MYH16: variants seen among roughly 807,000 people sequenced by gnomAD.
The protein encoded by MYH16 is myosin heavy chain 16.
chr7:99,308,260 ACT>A (rs1491245060), downstream of MYH16, among the ~76,000 whole-genome samples: 1 of 131,292 alleles, frequency 7.6e-6, no homozygotes, highest in East Asian at 2.5e-4. Context: ...ACGCCACTGC[ACT>A]CCAGCCTGGG....
intron 11 of MYH16, among the ~76,000 whole-genome samples, chr7:99,259,399 T>A (rs1431768077): frequency 1.3e-5 from 2 of 152,160 alleles, no homozygotes; most frequent in Non-Finnish European, 2.9e-5. Context: ...GGATCACTTG[T>A]GCCCAGGAGT....
At chr7:99,290,414 G>C (rs1270902549) in intron 30 of MYH16, among the ~76,000 whole-genome samples, 1 of 149,096 alleles carries the variant, frequency 6.7e-6, no homozygotes, top group Non-Finnish European at 1.5e-5. Flanking sequence ...TTGAGCCCAG[G>C]AGTTCAAGGC....
Position 99,305,831 on chromosome 7 carries a change from C to T in MYH16, n.5435-5C>T, listed in dbSNP as rs1792670268. The T allele has an allele frequency of 6.5e-6, 1 of 153,162 alleles. No homozygotes were observed. Among genetic ancestry groups the T allele is most frequent in the African/African-American group, 2.4e-5 (1 of 41,452 alleles). The allele number at this position is 153,162 out of a possible 1,614,324, so 9.5% of individuals were successfully genotyped here. A position where few individuals can be genotyped will look rare whatever the true frequency, so the allele number is the denominator to read the frequency against. On this transcript the variant is annotated splice_polypyrimidine_tract_variant and splice_region_variant and intron_variant and non_coding_transcript_variant, in intron 40 of 41. Coordinates refer to ENST00000439784, the Ensembl canonical transcript of MYH16. ...CTCAGCCGCATTCCTCTCTTCCTCC[C>T]ACAGATCAAGGAACTAGAGACAGAG...
At chr7:99,292,910 T>C (rs1333179164) in intron 32 of MYH16, among the ~76,000 whole-genome samples, 8 of 150,138 alleles carry the variant, frequency 5.3e-5, no homozygotes, top group Non-Finnish European at 1.2e-4. Flanking sequence ...CAGTGAGCAA[T>C]GATCGAGCCA....
chr7:99,284,867 G>A (rs1182701765), exon 26 of MYH16: 1 of 456,702 alleles, frequency 2.2e-6, no homozygotes, highest in South Asian at 1.5e-5. Flanking sequence ...AATAAACTCT[G>A]TCAACTCGAA....
At chr7:99,255,522 G>C (rs1791860980) in intron 8 of MYH16, 1 of 152,646 alleles carries the variant, frequency 6.6e-6, no homozygotes, top group African/African-American at 2.4e-5. Context: ...AGAGGTTAGA[G>C]ATGGCAGAGA....
intron 21 of MYH16, among the ~76,000 whole-genome samples, chr7:99,278,410 G>A (rs1333389130): frequency 6.6e-6 from 1 of 152,114 alleles, no homozygotes; most frequent in East Asian, 1.9e-4. Flanking sequence ...CCCACTCCAA[G>A]CCTTGTTTTC....
exon 32 of MYH16, chr7:99,292,386 G>A (rs753033882): frequency 4.4e-6 from 2 of 457,186 alleles, no homozygotes; most frequent in Non-Finnish European, 4.4e-6. Flanking sequence ...AGCTGGAGGA[G>A]GAGCAGGGAG....
chr7:99,292,487 C>G, exon 32 of MYH16: 1 of 469,890 alleles, frequency 2.1e-6, no homozygotes, highest in Non-Finnish European at 4.3e-6. Flanking sequence ...ATCCAGAGGA[C>G]AGAGGAGCTG....
At chr7:99,300,579 G>T (rs1028639939) in intron 37 of MYH16, among the ~76,000 whole-genome samples, 3 of 152,184 alleles carry the variant, frequency 2.0e-5, no homozygotes, top group Non-Finnish European at 2.9e-5. Flanking sequence ...GAAGAGAGAG[G>T]ATTGCTTGAC....
chr7:99,279,641 T>G, exon 22 of MYH16: 1 of 456,266 alleles, frequency 2.2e-6, no homozygotes, highest in Non-Finnish European at 4.4e-6. Flanking sequence ...CCTCACTGAG[T>G]GCCGCCAAGC....
chr7:99,284,936 G>A lies in MYH16; in HGVS notation n.3316+1G>A, dbSNP rs764717654. The A allele has an allele frequency of 1.1e-4, 49 of 456,530 alleles. No individual in the cohort carries two copies. Among genetic ancestry groups the A allele is most frequent in the Middle Eastern group, 3.3e-4 (1 of 3,064 alleles). 28.3% of individuals were successfully genotyped at this position (456,530 alleles called of 1,614,324 possible). A position where few individuals can be genotyped will look rare whatever the true frequency, so the allele number is the denominator to read the frequency against. On this transcript the variant is annotated splice_donor_variant and non_coding_transcript_variant, in intron 26 of 41. Coordinates refer to ENST00000439784, the Ensembl canonical transcript of MYH16. ...GCAGCGGAAACTGAAGGAGCACCAG[G>A]TATGTCCAGGACCGAGAAGCATGAG... is the stretch of plus-strand genomic sequence containing the variant.
chr7:99,260,234 T>C (rs973853249), exon 12 of MYH16: 1 of 1,608,950 alleles, frequency 6.2e-7, no homozygotes, highest in Non-Finnish European at 8.5e-7. Flanking sequence ...AACCACCACA[T>C]GTTCGTGCTG....
intron 19 of MYH16, among the ~76,000 whole-genome samples, chr7:99,272,041 C>T (rs139420262): frequency 9.0e-4 from 137 of 152,282 alleles, no homozygotes; most frequent in Non-Finnish European, 1.6e-3. Context: ...GAATTAGGGT[C>T]CACCTTACTC....
At chr7:99,295,648 CAGG>C (rs1392787078) in intron 33 of MYH16, among the ~76,000 whole-genome samples, 3 of 151,904 alleles carry the variant, frequency 2.0e-5, no homozygotes, top group African/African-American at 7.3e-5. Context: ...GCCACGTAGG[CAGG>C]AGGTCATATC....
chr7:99,262,578 CT>C (rs1423631218), intron 13 of MYH16, among the ~76,000 whole-genome samples: 4 of 152,198 alleles, frequency 2.6e-5, no homozygotes, highest in Non-Finnish European at 5.9e-5. Flanking sequence ...TGACAAATGT[CT>C]TTGTGCTGCA....
At chr7:99,255,510 G>A (rs138779771) in intron 8 of MYH16, 2 of 152,554 alleles carry the variant, frequency 1.3e-5, no homozygotes, top group Non-Finnish European at 2.9e-5. Flanking sequence ...GAGGGAGGGA[G>A]GAGAGGTTAG....
chr7:99,271,047 C>T (rs1308907362), exon 19 of MYH16: 4 of 152,626 alleles, frequency 2.6e-5, no homozygotes, highest in African/African-American at 4.8e-5. Flanking sequence ...GTGTCGGCTT[C>T]GGGGCTTCCT....
At chr7:99,279,559 A>G (rs1311063059) in exon 22 of MYH16, 1 of 456,652 alleles carries the variant, frequency 2.2e-6, no homozygotes, top group South Asian at 1.5e-5. Context: ...TGGATGATGA[A>G]GACCAAGATG....
Sources: gnomAD v4.1 joint callset for allele counts (sites outside exome capture counted in the v4.1 genomes callset) on GRCh38, gnomAD v4.1.1 for gene constraint, MANE v1.5 for transcripts, NCBI Gene and HGNC (gene_info 2026-07-23, HGNC 2026-07-21) for gene names.